The following ERICH1 variants were observed in gnomAD, a reference collection of about 807,000 sequenced individuals.
ERICH1 encodes glutamate rich 1, also known as glutamate-rich protein 1.
In ERICH1, 56 loss-of-function variants were observed where a neutral mutation model predicts 39.6. The observed-to-expected ratio is 1.41, with a 90% CI of 1.14 to 1.77. ERICH1 has a LOEUF of 1.77. Among genes scored for constraint, ERICH1 ranks in the 40% most tolerant of loss-of-function variants. The pLI is 0.00. For synonymous variants in ERICH1, 313 were observed against 223.6 expected (o/e 1.40, Z -3.57); for missense variants, 826 against 575.4 (o/e 1.44, Z -4.45).
intron 1 of ERICH1, among the ~76,000 whole-genome samples, chr8:719,826 C>G (rs1375136614): frequency 6.6e-6 from 1 of 152,218 alleles, no homozygotes; most frequent in East Asian, 1.9e-4. Context: ...TCACCCTGTA[C>G]TGTCCGGATA....
chr8:665,973 C>G (rs1049816928), intron 5 of ERICH1: 14 of 152,080 alleles, frequency 9.2e-5, no homozygotes, highest in Non-Finnish European at 1.9e-4. Context: ...TAAACAAATA[C>G]AACGTGTGAA....
intron 3 of ERICH1, among the ~76,000 whole-genome samples, chr8:648,147 C>T (rs1224048163): frequency 3.0e-5 from 2 of 67,334 alleles, no homozygotes; most frequent in African/African-American, 7.8e-5. Flanking sequence ...GCAAAAGGCA[C>T]GACACTGCTC....
intron 2 of ERICH1, among the ~76,000 whole-genome samples, chr8:695,401 C>G (rs981528015): frequency 1.3e-5 from 2 of 152,110 alleles, no homozygotes. Context: ...TGAGCAAAAC[C>G]TGCATCTGAC....
chr8:632,805 T>A (rs1798125058), intron 3 of ERICH1, among the ~76,000 whole-genome samples: 2 of 152,102 alleles, frequency 1.3e-5, no homozygotes, highest in South Asian at 4.1e-4. Context: ...CTGGGGGACA[T>A]TTGGCAATGT....
chr8:694,863 T>C (rs1809772702), intron 2 of ERICH1, among the ~76,000 whole-genome samples: 1 of 152,042 alleles, frequency 6.6e-6, no homozygotes, highest in Admixed American at 6.6e-5. Context: ...GAGTTCCCCG[T>C]CCCATCATCT....
intron 2 of ERICH1, among the ~76,000 whole-genome samples, chr8:700,643 C>T (rs991765986): frequency 1.3e-5 from 2 of 152,230 alleles, no homozygotes; most frequent in Non-Finnish European, 2.9e-5. Context: ...CAAGCTACAA[C>T]TTATCACAGC....
At chr8:703,503 C>T (rs1322250846) in intron 2 of ERICH1, among the ~76,000 whole-genome samples, 1 of 152,170 alleles carries the variant, frequency 6.6e-6, no homozygotes, top group Non-Finnish European at 1.5e-5. Flanking sequence ...GCCTCCCCAC[C>T]ACCCGTGGGA....
chr8:641,335 G>T (rs1798954832), intron 3 of ERICH1: 1 of 152,130 alleles, frequency 6.6e-6, no homozygotes, highest in African/African-American at 2.4e-5. Flanking sequence ...CCATTTAGGA[G>T]GCCACTTAGT....
chr8:697,082 T>G (rs545788996), intron 2 of ERICH1, among the ~76,000 whole-genome samples: 1 of 152,342 alleles, frequency 6.6e-6, no homozygotes, highest in Admixed American at 6.5e-5. Context: ...CCTTACCACT[T>G]GCTGCACGTG....
At chr8:632,648 A>G (rs1341482652) in intron 3 of ERICH1, among the ~76,000 whole-genome samples, 1 of 152,244 alleles carries the variant, frequency 6.6e-6, no homozygotes, top group Non-Finnish European at 1.5e-5. Context: ...TGAACATAAA[A>G]TTCACAAACA....
At chr8:655,370 G>A (rs1032722945) in intron 3 of ERICH1, among the ~76,000 whole-genome samples, 7 of 152,224 alleles carry the variant, frequency 4.6e-5, no homozygotes, top group Non-Finnish European at 8.8e-5. Context: ...ATTTCTGTAC[G>A]TCAGCACACC....
At chr8:627,146 G>A (rs752938659) in intron 3 of ERICH1, 1 of 456,284 alleles carries the variant, frequency 2.2e-6, no homozygotes, top group Non-Finnish European at 4.4e-6. Flanking sequence ...AAGACAGACA[G>A]CAGCAGACCC....
At chr8:616,798 A>T (rs1156989073) in intron 3 of ERICH1, among the ~76,000 whole-genome samples, 2 of 81,706 alleles carry the variant, frequency 2.4e-5, no homozygotes, top group African/African-American at 1.1e-4. Flanking sequence ...GAGATGGGGA[A>T]GAGAGGGGGG....
intron 2 of ERICH1, among the ~76,000 whole-genome samples, chr8:710,016 G>C (rs1028029849): frequency 6.6e-6 from 1 of 152,142 alleles, no homozygotes; most frequent in Non-Finnish European, 1.5e-5. Flanking sequence ...GAGAAAAACA[G>C]GAAATGTTAG....
chr8:690,494 C>T (rs567796360), intron 3 of ERICH1, among the ~76,000 whole-genome samples: 4 of 152,230 alleles, frequency 2.6e-5, no homozygotes, highest in Non-Finnish European at 1.5e-5. Context: ...GAACCGGGAC[C>T]GGCAGACCCA....
At chr8:682,785 A>G (rs759044795) in intron 3 of ERICH1, among the ~76,000 whole-genome samples, 2 of 152,224 alleles carry the variant, frequency 1.3e-5, no homozygotes, top group Admixed American at 1.3e-4. Context: ...TTCAGATTCT[A>G]ATTCTCACAG....
downstream of ERICH1, among the ~76,000 whole-genome samples, chr8:659,815 A>G (rs1585089555): frequency 2.8e-5 from 1 of 36,328 alleles, no homozygotes; most frequent in Non-Finnish European, 5.0e-5. Context: ...GACCATCGAG[A>G]TCTCCGGTGT....
chr8:654,162 G>C (rs758773022), intron 3 of ERICH1, among the ~76,000 whole-genome samples: 10 of 152,188 alleles, frequency 6.6e-5, no homozygotes, highest in Non-Finnish European at 1.3e-4. Context: ...AAGTATAGTA[G>C]ACTTTGCCTC....
At chr8:639,505 C>T (rs1355216831) in intron 3 of ERICH1, among the ~76,000 whole-genome samples, 3 of 152,218 alleles carry the variant, frequency 2.0e-5, no homozygotes, top group African/African-American at 7.2e-5. Flanking sequence ...AAGAGCCGGT[C>T]TGTCATCAGC....
Sources: gnomAD v4.1 joint callset for allele counts (sites outside exome capture counted in the v4.1 genomes callset) on GRCh38, gnomAD v4.1.1 for gene constraint, MANE v1.5 for transcripts, NCBI Gene and HGNC (gene_info 2026-07-23, HGNC 2026-07-21) for gene names.